The following COLEC12 variants were observed in gnomAD, a reference collection of about 807,000 sequenced individuals.
The protein encoded by COLEC12 is collectin subfamily member 12, also known as collectin-12.
Under a neutral mutation model 71.1 loss-of-function variants are expected in COLEC12, and 33 were observed. The observed-to-expected ratio is 0.46, with a 90% confidence interval of 0.35 to 0.62. COLEC12 has a LOEUF of 0.62. Ranked by LOEUF, COLEC12 falls within the 20% of genes least tolerant of loss-of-function variation. COLEC12 has a pLI of 0.00. For missense variants in COLEC12, 765 were observed against 916.1 expected (o/e 0.84, Z 2.13); for synonymous variants, 350 against 353.0 (o/e 0.99, Z 0.10).
intron 2 of COLEC12, among the ~76,000 whole-genome samples, chr18:410,877 C>T (rs1915880505): frequency 6.6e-6 from 1 of 152,166 alleles, no homozygotes; most frequent in African/African-American, 2.4e-5. Context: ...ATGCTCAACA[C>T]CAGCCAAAAA....
At chr18:472,585 GC>G in intron 2 of COLEC12, among the ~76,000 whole-genome samples, 1 of 150,714 alleles carries the variant, frequency 6.6e-6, no homozygotes, top group South Asian at 2.1e-4. Flanking sequence ...TACTTGGGAG[GC>G]TGAGGTGAGA....
At chr18:325,627 C>CTTTTTTTTTTTTTTTTTTT (rs760407917) in intron 8 of COLEC12, among the ~76,000 whole-genome samples, 1 of 51,834 alleles carries the variant, frequency 1.9e-5, no homozygotes, top group Non-Finnish European at 3.2e-5. Flanking sequence ...AAGGATCAGC[C>CTTTTTTTTTTTTTTTTTTT]TTTTTTTTTT....
chr18:367,809 G>T (rs1330739745), intron 2 of COLEC12, among the ~76,000 whole-genome samples: 1 of 152,164 alleles, frequency 6.6e-6, no homozygotes, highest in Non-Finnish European at 1.5e-5. Flanking sequence ...CTGGACAAAG[G>T]CCTGGTGTCG....
intron 2 of COLEC12, among the ~76,000 whole-genome samples, chr18:409,027 G>T (rs1915841037): frequency 6.6e-6 from 1 of 151,794 alleles, no homozygotes; most frequent in Non-Finnish European, 1.5e-5. Context: ...GGAGAGACAG[G>T]ATTTCACCAT....
In COLEC12 at chr18:348,162, A is replaced by C; in HGVS notation, c.183T>G (p.Val61=). 1 of 1,608,060 alleles carries C rather than the reference A, an allele frequency of 6.2e-7. No individual in the cohort carries two copies. The highest frequency in any genetic ancestry group is 8.5e-7 in the Non-Finnish European group (1 of 1,174,598). ...CTGTGACATTGTCCATTTTCTCTACAACTAAGATTTGGAAAATGATGCATT... is the reference window on the plus strand; with the variant it reads ...CTGTGACATTGTCCATTTTCTCTACCACTAAGATTTGGAAAATGATGCATT... ...TITVAILGYK[V]VEKMDNVTGG... is the part of the protein sequence containing the mutation. The change falls in exon 4 of 10, where the codon GTT becomes GTG. Residue 61 remains valine, a splice_region_variant and synonymous_variant. Transcript: ENST00000400256.
intron 1 of COLEC12, among the ~76,000 whole-genome samples, chr18:493,094 C>A (rs1211640054): frequency 6.6e-6 from 1 of 152,220 alleles, no homozygotes; most frequent in Non-Finnish European, 1.5e-5. Flanking sequence ...TCAGTCCCAG[C>A]TACTTGGGAG....
chr18:382,243 C>T (rs1481478180), intron 2 of COLEC12, among the ~76,000 whole-genome samples: 1 of 152,204 alleles, frequency 6.6e-6, no homozygotes, highest in Admixed American at 6.5e-5. Context: ...ATAATTCACC[C>T]TTCCTGTGTT....
chr18:347,140 G>A lies in COLEC12; in HGVS notation c.482C>T (p.Ser161Phe). 6.2e-7 allele frequency: 1 copy of A among 1,614,220 alleles called. No homozygotes were observed. The highest frequency in any genetic ancestry group is 8.5e-7 in the Non-Finnish European group (1 of 1,180,038). Residue 161 changes from serine (S) to phenylalanine (F), a missense_variant, in exon 5 of 10, where the codon TCT becomes TTT. Ser to Phe is a radical substitution (Grantham distance 155). Transcript: ENST00000400256. ...TTTGTTTACAGTGGTGATGAGGAAAGAGTTATTCTCCAAAGTTTCTTTCAA... is the reference window on the plus strand; with the variant it reads ...TTTGTTTACAGTGGTGATGAGGAAAAAGTTATTCTCCAAAGTTTCTTTCAA... ...SQLKETLENNSFLITTVNKTL... is the reference protein window; with the variant it reads ...SQLKETLENNFFLITTVNKTL...
intron 1 of COLEC12, among the ~76,000 whole-genome samples, chr18:488,282 A>T (rs911470241): frequency 4.3e-4 from 66 of 151,836 alleles, no homozygotes; most frequent in African/African-American, 1.6e-3. Flanking sequence ...ATAGTGATAC[A>T]TACCTGTAAT....
At chr18:415,580 C>T (rs1344587821) in intron 2 of COLEC12, among the ~76,000 whole-genome samples, 1 of 152,034 alleles carries the variant, frequency 6.6e-6, no homozygotes, top group Non-Finnish European at 1.5e-5. Context: ...TATTTGTATC[C>T]CCTACAACAG....
chr18:395,209 G>C (rs1915544791), intron 2 of COLEC12, among the ~76,000 whole-genome samples: 1 of 152,200 alleles, frequency 6.6e-6, no homozygotes, highest in Non-Finnish European at 1.5e-5. Context: ...AATGTGTTAT[G>C]TATGTTGCTT....
chr18:456,621 T>A (rs528911523), intron 2 of COLEC12, among the ~76,000 whole-genome samples: 2 of 152,370 alleles, frequency 1.3e-5, no homozygotes, highest in East Asian at 3.9e-4. Context: ...TTAAATGCTC[T>A]TGCAGCTTAC....
chr18:434,343 T>C (rs1455602006), intron 2 of COLEC12, among the ~76,000 whole-genome samples: 2 of 152,202 alleles, frequency 1.3e-5, no homozygotes, highest in East Asian at 1.9e-4. Flanking sequence ...ATGTTTAAAA[T>C]TGCAGGTATT....
intron 5 of COLEC12, among the ~76,000 whole-genome samples, chr18:339,123 TCAGA>T (rs1434487035): frequency 6.6e-6 from 1 of 152,162 alleles, no homozygotes; most frequent in Non-Finnish European, 1.5e-5. Flanking sequence ...TTGTGTCTGC[TCAGA>T]CAGACTGCTG....
At position 500,009 on chromosome 18, in the gene COLEC12, G is replaced by T. The variant is rs1472614370; in HGVS notation, c.7+499C>A. Among the ~76,000 whole-genome samples the T allele has an allele frequency of 6.6e-6, 1 of 152,220 alleles. No homozygotes were observed. The highest frequency in any genetic ancestry group is 1.9e-4 in the East Asian group (1 of 5,178). Reference sequence around the variant, plus strand: ...CTCCTCGGGCACCTAATCATTGCCAGATGTGGCGAGGGCGCACGGAGAACA... The same window carrying T: ...CTCCTCGGGCACCTAATCATTGCCATATGTGGCGAGGGCGCACGGAGAACA... On this transcript the variant is annotated intron_variant, in intron 1 of 9. Coordinates refer to ENST00000400256, the MANE Select transcript of COLEC12 (RefSeq NM_130386.3). This position sits in a 1 kb window ranked among gnomAD's most constrained non-coding sequence, Gnocchi z 5.3.
chr18:367,532 G>A (rs968865721), intron 2 of COLEC12, among the ~76,000 whole-genome samples: 20 of 152,178 alleles, frequency 1.3e-4, no homozygotes, highest in African/African-American at 2.9e-4. Context: ...TTAAGGGAAC[G>A]AAGCCAAGAC....
At chr18:349,663 G>A (rs1914465145) in intron 3 of COLEC12, among the ~76,000 whole-genome samples, 1 of 152,212 alleles carries the variant, frequency 6.6e-6, no homozygotes, top group Non-Finnish European at 1.5e-5. Flanking sequence ...AAAGCAGCAG[G>A]GAGAGAGGCT....
At chr18:335,279 T>C (rs750852818) in intron 5 of COLEC12, 49 bp from the exon 6 acceptor site, 27 of 1,533,044 alleles carry the variant, frequency 1.8e-5, no homozygotes, top group South Asian at 2.5e-5. Flanking sequence ...CTGTGAATGA[T>C]AGTTATGAAT....
At chr18:453,879 A>C (rs747387539) in intron 2 of COLEC12, among the ~76,000 whole-genome samples, 14 of 152,218 alleles carry the variant, frequency 9.2e-5, no homozygotes, top group Non-Finnish European at 1.8e-4. Flanking sequence ...TCTTTCCCTG[A>C]TAGCCACATC....
Sources: gnomAD v4.1 joint callset for allele counts (sites outside exome capture counted in the v4.1 genomes callset) on GRCh38, gnomAD v4.1.1 for gene constraint, Gnocchi (gnomAD v3.1) non-coding constraint, MANE v1.5 for transcripts, NCBI Gene and HGNC (gene_info 2026-07-23, HGNC 2026-07-21) for gene names.